The following AMPH variants were observed in gnomAD, a reference collection of about 807,000 sequenced individuals.
AMPH encodes amphiphysin, also known as amphiphysin (Stiff-Mann syndrome with breast cancer 128kD autoantigen).
In AMPH, 49 loss-of-function variants were observed where a neutral mutation model predicts 99.1. That is an observed-to-expected ratio of 0.49 (90% CI 0.39 to 0.63). The LOEUF (loss-of-function observed/expected upper bound fraction) is 0.63, where lower values mean the gene tolerates loss of function less well. Ranked by LOEUF, AMPH falls within the 20% of genes least tolerant of loss-of-function variation. AMPH has a pLI of 0.00. For synonymous variants in AMPH, 314 were observed against 317.3 expected (o/e 0.99, Z 0.11); for missense variants, 759 against 863.4 (o/e 0.88, Z 1.52).
At chr7:38,601,957 A>G (rs1793260602) in intron 1 of AMPH, among the ~76,000 whole-genome samples, 2 of 152,234 alleles carry the variant, frequency 1.3e-5, no homozygotes, top group South Asian at 4.1e-4. Flanking sequence ...TCCCAAAAGC[A>G]AAACCATAAC....
intron 19 of AMPH, 97 bp downstream of exon 19, chr7:38,391,651 T>C (rs1251101871): frequency 2.3e-5 from 29 of 1,285,262 alleles, no homozygotes; most frequent in East Asian, 1.2e-4. Context: ...GAAATAATAA[T>C]TGCAAAAAGT....
chr7:38,472,276 A>G (rs1337115696), intron 7 of AMPH, among the ~76,000 whole-genome samples: 1 of 152,216 alleles, frequency 6.6e-6, no homozygotes, highest in African/African-American at 2.4e-5. Context: ...AAGGTTGAGT[A>G]ATATGGCTTG....
intron 1 of AMPH, among the ~76,000 whole-genome samples, chr7:38,548,065 G>A (rs1206178511): frequency 7.3e-6 from 1 of 137,186 alleles, no homozygotes; most frequent in Non-Finnish European, 1.5e-5. Context: ...GTCTCGCTCT[G>A]TCGCCCAGGC....
Position 38,384,747 on chromosome 7 carries a change from G to A in AMPH, c.*71C>T. On this transcript the variant is annotated 3_prime_UTR_variant, in exon 21 of 21. Transcript: ENST00000356264. ...AATCATTAAGAGCATAATAACAAAA[G>A]TGAACTCTTCAGGTTTTCATGAAGG... The A allele has an allele frequency of 7.9e-7, 1 of 1,265,372 alleles. No individual in the cohort carries two copies. The highest frequency in any genetic ancestry group is 1.2e-6 in the Non-Finnish European group (1 of 868,350). 78.4% of individuals were successfully genotyped at this position (1,265,372 alleles called of 1,614,324 possible).
chr7:38,542,616 T>C (rs1790846035), intron 1 of AMPH, among the ~76,000 whole-genome samples: 2 of 152,152 alleles, frequency 1.3e-5, no homozygotes, highest in African/African-American at 2.4e-5. Flanking sequence ...GATTGCTTTA[T>C]ACAGATTCTT....
intron 1 of AMPH, among the ~76,000 whole-genome samples, chr7:38,577,691 G>C (rs1792298121): frequency 6.6e-6 from 1 of 151,330 alleles, no homozygotes; most frequent in Non-Finnish European, 1.5e-5. Flanking sequence ...AAGAGAAAGA[G>C]GGAGGGAAGA....
chr7:38,564,781 A>G (rs542587676), intron 1 of AMPH, among the ~76,000 whole-genome samples: 30 of 152,240 alleles, frequency 2.0e-4, no homozygotes, highest in African/African-American at 7.2e-4. Context: ...AGTGGTGAAA[A>G]AACCTTATCA....
At position 38,383,863 on chromosome 7, in the gene AMPH, A is replaced by G. The variant is rs1784281745; in HGVS notation, c.*955T>C. ...CATAAATAGAAAGAGGTGGAAATAT[A>G]GAGGAGCTGTTTTTATAGTGTTCTT... On this transcript the variant is annotated 3_prime_UTR_variant, in exon 21 of 21. Transcript: ENST00000356264. 1 of 152,682 alleles carries G rather than the reference A, an allele frequency of 6.5e-6. No homozygotes were observed. The highest frequency in any genetic ancestry group is 1.9e-4 in the East Asian group (1 of 5,194). 9.5% of individuals were successfully genotyped at this position (152,682 alleles called of 1,614,324 possible). A position where few individuals can be genotyped will look rare whatever the true frequency, so the allele number is the denominator to read the frequency against.
At chr7:38,494,363 G>A in intron 4 of AMPH, 70 bp downstream of exon 4, 1 of 1,293,964 alleles carries the variant, frequency 7.7e-7, no homozygotes, top group South Asian at 1.2e-5. Flanking sequence ...GAAGTGGAAA[G>A]AGCAAGTCAG....
chr7:38,384,866 G>A lies in AMPH; in HGVS notation c.2040C>T (p.Ala680=), dbSNP rs1784308767. ...TCTCTGGAAAGAGGCCTTTGTAGGTGGCAAGGTCTCTGTACTGAAGCCAGT... is the reference window on the plus strand; with the variant it reads ...TCTCTGGAAAGAGGCCTTTGTAGGTAGCAAGGTCTCTGTACTGAAGCCAGT... The part of the protein sequence containing the change: ...ESDWLQYRDL[A]TYKGLFPENF... The change falls in exon 21 of 21, where the codon GCC becomes GCT. Residue 680 remains alanine, a synonymous_variant. Transcript: ENST00000356264. The A allele has an allele frequency of 1.2e-6, 2 of 1,614,020 alleles. No homozygotes were observed. The highest frequency in any genetic ancestry group is 8.5e-7 in the Non-Finnish European group (1 of 1,179,980).
chr7:38,558,546 T>C (rs1791445756), intron 1 of AMPH, among the ~76,000 whole-genome samples: 1 of 152,154 alleles, frequency 6.6e-6, no homozygotes, highest in African/African-American at 2.4e-5. Context: ...CTATTTTTAG[T>C]CTGCAAGATG....
intron 1 of AMPH, among the ~76,000 whole-genome samples, chr7:38,586,234 C>T (rs138809339): frequency 1.9e-3 from 293 of 152,228 alleles, no homozygotes; most frequent in African/African-American, 6.5e-3. Context: ...GTATAAAGAA[C>T]CCCCACAAAC....
intron 13 of AMPH, among the ~76,000 whole-genome samples, chr7:38,431,514 G>T (rs1201009817): frequency 2.0e-5 from 3 of 152,058 alleles, no homozygotes; most frequent in African/African-American, 7.2e-5. Context: ...AAATTAGTTG[G>T]GCGCGGTGGC....
At chr7:38,434,524 G>C (rs560387493) in intron 12 of AMPH, among the ~76,000 whole-genome samples, 1 of 152,058 alleles carries the variant, frequency 6.6e-6, no homozygotes, top group South Asian at 2.1e-4. Context: ...CAGATCACGC[G>C]GTCAGGAGAT....
chr7:38,398,986 T>TTTAC (rs139151486), intron 17 of AMPH, among the ~76,000 whole-genome samples: 8,841 of 151,788 alleles, frequency 0.058, 359 homozygotes, highest in East Asian at 0.19. Flanking sequence ...GCACCTCAGC[T>TTTAC]GTGATTTTTG....
At chr7:38,570,927 T>TTATATATA (rs142367196) in intron 1 of AMPH, among the ~76,000 whole-genome samples, 452 of 20,028 alleles carry the variant, frequency 0.023, 16 homozygotes, top group Middle Eastern at 0.043. Flanking sequence ...ACAAAAAAAT[T>TTATATATA]TATATATATA....
intron 1 of AMPH, among the ~76,000 whole-genome samples, chr7:38,595,890 T>C (rs1305939550): frequency 6.6e-6 from 1 of 152,226 alleles, no homozygotes; most frequent in Non-Finnish European, 1.5e-5. Flanking sequence ...CTGCAAAAGA[T>C]ATTATTTCAT....
At chr7:38,480,482 TTATGAGTCAACTACAACCTGTCACTC>T (rs1788246991) in intron 5 of AMPH, among the ~76,000 whole-genome samples, 1 of 152,134 alleles carries the variant, frequency 6.6e-6, no homozygotes, top group Admixed American at 6.6e-5. Flanking sequence ...CTGACAGACT[TTATGAGTCAACTACAACCTGTCACTC>T]TATGCTATTC....
chr7:38,525,586 T>C (rs1790158675), intron 2 of AMPH, among the ~76,000 whole-genome samples: 1 of 152,002 alleles, frequency 6.6e-6, no homozygotes, highest in Non-Finnish European at 1.5e-5. Flanking sequence ...ATTGACTTTT[T>C]ATAACCACAT....
Sources: allele counts gnomAD v4.1 joint callset (sites outside exome capture counted in the v4.1 genomes callset), GRCh38; gene constraint gnomAD v4.1.1; transcripts MANE v1.5; gene names NCBI Gene and HGNC (gene_info 2026-07-23, HGNC 2026-07-21).